CEP126: variants seen among roughly 807,000 people sequenced by gnomAD.
CEP126 encodes centrosomal protein of 126 kDa.
A neutral mutation model predicts 107.8 loss-of-function variants in CEP126; 74 were observed. The observed-to-expected ratio is 0.69, with a 90% confidence interval of 0.57 to 0.83. The LOEUF (loss-of-function observed/expected upper bound fraction) is 0.83, where lower values mean the gene tolerates loss of function less well. CEP126 is among the 40% of genes least tolerant of loss of function. The probability of loss-of-function intolerance (pLI) is 0.00; values close to 1 mark genes in which losing one functional copy is unlikely to be tolerated. For synonymous variants in CEP126, 449 were observed against 446.0 expected, an observed-to-expected ratio of 1.01 and a Z score of -0.08; for missense variants, 1,237 against 1,281.9, an observed-to-expected ratio of 0.96 and a Z score of 0.53.
At chr11:101,919,338 A>T (rs1230584776) in intron 1 of CEP126, among the ~76,000 whole-genome samples, 2 of 152,208 alleles carry the variant, frequency 1.3e-5, no homozygotes, top group African/African-American at 2.4e-5. Flanking sequence ...AAACAACCTA[A>T]CTGGATAAAA....
At chr11:101,986,478 C>T (rs542284510) in intron 8 of CEP126, among the ~76,000 whole-genome samples, 23 of 152,226 alleles carry the variant, frequency 1.5e-4, no homozygotes, top group Non-Finnish European at 2.8e-4. Context: ...TTCATTATAA[C>T]TACTATTATA....
At chr11:101,952,217 G>A (rs1244841867) in intron 4 of CEP126, among the ~76,000 whole-genome samples, 1 of 152,164 alleles carries the variant, frequency 6.6e-6, no homozygotes. Context: ...GCACAATTTG[G>A]CTAATGTGTA....
chr11:101,925,279 C>T (rs1179548663), intron 2 of CEP126, among the ~76,000 whole-genome samples: 1 of 152,160 alleles, frequency 6.6e-6, no homozygotes, highest in Admixed American at 6.5e-5. Flanking sequence ...TTTTGAGATA[C>T]ACACACAGAA....
At position 101,997,978 on chromosome 11, in the gene CEP126, ATTTATAG is replaced by A. The variant is rs1941462458; in HGVS notation, c.*336_*342del. On this transcript the variant is annotated 3_prime_UTR_variant, in exon 11 of 11. Coordinates refer to ENST00000263468, the MANE Select transcript of CEP126 (RefSeq NM_020802.4). Reference sequence around the variant, plus strand: ...AAAGAATTCACAGTGCTCCTTTGCAATTTATAGATTTCATGTTGAAATATATGTTAAA... The same window carrying A: ...AAAGAATTCACAGTGCTCCTTTGCAAATTTCATGTTGAAATATATGTTAAA... 3 of 213,462 alleles carry A rather than the reference ATTTATAG, an allele frequency of 1.4e-5. No individual in the cohort carries two copies. Among genetic ancestry groups the A allele is most frequent in the Non-Finnish European group, 2.8e-5 (3 of 107,992 alleles). The allele number at this position is 213,462 out of a possible 1,614,324, so 13.2% of individuals were successfully genotyped here.
chr11:101,987,248 T>TA (rs1271120555), intron 9 of CEP126, among the ~76,000 whole-genome samples: 1 of 152,242 alleles, frequency 6.6e-6, no homozygotes, highest in African/African-American at 2.4e-5. Flanking sequence ...TTTGGCAGAC[T>TA]TATCTGTCTT....
intron 4 of CEP126, among the ~76,000 whole-genome samples, chr11:101,957,280 A>G (rs1387138135): frequency 6.6e-6 from 1 of 152,170 alleles, no homozygotes; most frequent in Admixed American, 6.5e-5. Flanking sequence ...TTAAAGTGGG[A>G]ATAATTTAAT....
At chr11:101,996,698 T>A (rs1941445664) in intron 10 of CEP126, among the ~76,000 whole-genome samples, 1 of 152,220 alleles carries the variant, frequency 6.6e-6, no homozygotes. Flanking sequence ...ATGAATATTA[T>A]TTCAGAGACT....
chr11:101,928,596 G>T (rs957982267), intron 2 of CEP126, among the ~76,000 whole-genome samples: 2 of 152,132 alleles, frequency 1.3e-5, no homozygotes, highest in Admixed American at 1.3e-4. Context: ...TTTTTTGGGG[G>T]TGTGTTTTGT....
intron 2 of CEP126, among the ~76,000 whole-genome samples, 199 bp from the exon 3 acceptor site, chr11:101,944,066 A>G (rs952041256): frequency 1.3e-5 from 2 of 152,102 alleles, no homozygotes; most frequent in African/African-American, 4.8e-5. Flanking sequence ...GTTGCAAGAG[A>G]CCTGGATACA....
At chr11:101,934,087 G>A (rs1940542350) in intron 2 of CEP126, among the ~76,000 whole-genome samples, 1 of 151,922 alleles carries the variant, frequency 6.6e-6, no homozygotes, top group Non-Finnish European at 1.5e-5. Flanking sequence ...TCTGGCTATT[G>A]CTCTCCCTTT....
intron 4 of CEP126, among the ~76,000 whole-genome samples, chr11:101,955,635 A>G (rs2137105683): frequency 6.6e-6 from 1 of 152,316 alleles, no homozygotes; most frequent in South Asian, 2.1e-4. Context: ...TACATGTGAG[A>G]GGACACTGGT....
chr11:101,943,013 A>G (rs1005461214), intron 2 of CEP126, among the ~76,000 whole-genome samples: 4 of 151,754 alleles, frequency 2.6e-5, no homozygotes, highest in African/African-American at 9.7e-5. Context: ...TGGAATCTTT[A>G]GGGTTTTCTA....
chr11:101,963,044 G>A lies in CEP126; in HGVS notation c.2009G>A (p.Gly670Glu). The change falls in exon 6 of 11, where the codon GGA becomes GAA. Residue 670 changes from glycine (G) to glutamate (E), a missense_variant. Coordinates refer to ENST00000263468, the MANE Select transcript of CEP126 (RefSeq NM_020802.4). ...SQQFHIQSGA[G>E]SNIISVSTCA... ...CAATTCCACATTCAAAGTGGTGCTG[G>A]AAGCAACATAATTAGTGTTTCTACT... is the stretch of plus-strand genomic sequence containing the variant. 6.2e-7 allele frequency: 1 copy of A among 1,614,072 alleles called. No individual in the cohort carries two copies. The highest frequency in any genetic ancestry group is 8.5e-7 in the Non-Finnish European group (1 of 1,179,966).
At position 101,934,422 on chromosome 11, in the gene CEP126, AT is replaced by A. The variant is rs1425655486; in HGVS notation, c.249-9838del. ...TCTCAATCTCTGATCTATATCTCCT[AT>A]TTTTCCATGCCACTTCCTCTAGTAC... On this transcript the variant is annotated intron_variant, in intron 2 of 10. Coordinates refer to ENST00000263468, the MANE Select transcript of CEP126 (RefSeq NM_020802.4). 1.1e-4 allele frequency among the ~76,000 whole-genome samples: 16 copies of A among 151,812 alleles called. No homozygotes were observed. The East Asian group carries it at 1.2e-3, about 11-fold the overall frequency.
chr11:101,959,144 T>TCTTTTTTC (rs1417343917), intron 5 of CEP126, among the ~76,000 whole-genome samples: 1 of 152,086 alleles, frequency 6.6e-6, no homozygotes, highest in Non-Finnish European at 1.5e-5. Context: ...AACACTTTTT[T>TCTTTTTTC]CTTTTTTCCT....
chr11:101,983,159 G>T (rs1039776509), intron 8 of CEP126, among the ~76,000 whole-genome samples: 2 of 152,140 alleles, frequency 1.3e-5, no homozygotes, highest in Admixed American at 6.5e-5. Flanking sequence ...ATATCAAAAA[G>T]ACCTGAAGAT....
intron 8 of CEP126, among the ~76,000 whole-genome samples, chr11:101,984,787 C>A (rs932819347): frequency 6.6e-6 from 1 of 152,146 alleles, no homozygotes; most frequent in African/African-American, 2.4e-5. Context: ...ATTTCCTCAT[C>A]CCTAGAGGAC....
chr11:101,961,980 T>C lies in CEP126; in HGVS notation c.945T>C (p.Asn315=). ...AACATATAAATAATTGGCTTACAAA[T>C]TTAGATGCTTCAAATACTCAGAATG... ...KTQHINNWLT[N]LDASNTQNVT... Residue 315 remains asparagine (N), a synonymous_variant, in exon 6 of 11, where the codon AAT becomes AAC. Transcript: ENST00000263468. 3.1e-6 allele frequency: 5 copies of C among 1,611,848 alleles called. No individual in the cohort carries two copies. The highest frequency in any genetic ancestry group is 4.2e-6 in the Non-Finnish European group (5 of 1,178,932).
At chr11:101,938,575 T>C (rs1940625387) in intron 2 of CEP126, among the ~76,000 whole-genome samples, 1 of 152,030 alleles carries the variant, frequency 6.6e-6, no homozygotes, top group Non-Finnish European at 1.5e-5. Flanking sequence ...TGGCCAAGCA[T>C]GGTGGCTCAC....
Sources: allele counts gnomAD v4.1 joint callset (sites outside exome capture counted in the v4.1 genomes callset), GRCh38; gene constraint gnomAD v4.1.1; transcripts MANE v1.5; gene names NCBI Gene and HGNC (gene_info 2026-07-23, HGNC 2026-07-21).